Variants in DPP10 observed in about 807,000 individuals in gnomAD.
DPP10 encodes the protein inactive dipeptidyl peptidase 10.
A neutral mutation model predicts 120.9 loss-of-function variants in DPP10; 33 were observed. The observed-to-expected ratio is 0.27, with a 90% CI of 0.21 to 0.37. The LOEUF is 0.37. DPP10 is among the 10% of genes least tolerant of loss of function. The pLI is 1.00. For synonymous variants in DPP10, 337 were observed against 326.1 expected (o/e 1.03, Z -0.36); for missense variants, 816 against 942.8 (o/e 0.87, Z 1.76).
intron 1 of DPP10, among the ~76,000 whole-genome samples, chr2:114,756,320 C>T (rs1679743162): frequency 6.6e-6 from 1 of 152,152 alleles, no homozygotes; most frequent in African/African-American, 2.4e-5. Flanking sequence ...CCTGGGGGAT[C>T]TGCAACATCA....
At chr2:114,961,053 T>C (rs1040059457) in intron 1 of DPP10, among the ~76,000 whole-genome samples, 3 of 122,774 alleles carry the variant, frequency 2.4e-5, no homozygotes, top group Non-Finnish European at 4.9e-5. Context: ...TTTTTTTTTT[T>C]TTTTTTTTTT....
chr2:115,178,710 A>C (rs1243976134), intron 1 of DPP10, among the ~76,000 whole-genome samples: 1 of 152,158 alleles, frequency 6.6e-6, no homozygotes, highest in Admixed American at 6.5e-5. Context: ...AAAGTATTTG[A>C]TATGTTGGCA....
intron 3 of DPP10, among the ~76,000 whole-genome samples, chr2:115,353,154 C>T (rs1265533244): frequency 6.6e-6 from 1 of 151,966 alleles, no homozygotes; most frequent in Non-Finnish European, 1.5e-5. Flanking sequence ...TAGGAGAAAT[C>T]GGTTTGAGTT....
At chr2:115,806,248 T>C (rs1685954109) in intron 19 of DPP10, among the ~76,000 whole-genome samples, 2 of 152,214 alleles carry the variant, frequency 1.3e-5, no homozygotes, top group Non-Finnish European at 2.9e-5. Flanking sequence ...ATGCCAAAGG[T>C]ATAAGTGAAT....
intron 1 of DPP10, among the ~76,000 whole-genome samples, chr2:115,063,581 G>A (rs1443355948): frequency 1.3e-5 from 2 of 152,258 alleles, no homozygotes; most frequent in East Asian, 3.9e-4. Flanking sequence ...ACAGACCAAT[G>A]AAACAGAATA....
At chr2:115,759,738 C>T (rs10174163) in intron 11 of DPP10, among the ~76,000 whole-genome samples, 11,824 of 152,110 alleles carry the variant, frequency 0.078, 534 homozygotes, top group South Asian at 0.13. Flanking sequence ...AGGCTGGGCA[C>T]GGTGGCTCAT....
chr2:114,619,425 A>G (rs1444274465), intron 1 of DPP10, among the ~76,000 whole-genome samples: 2 of 150,604 alleles, frequency 1.3e-5, no homozygotes, highest in Admixed American at 1.3e-4. Flanking sequence ...ACACACATAT[A>G]GTGAGAGAGC....
At chr2:114,744,848 A>G (rs1019676289) in intron 1 of DPP10, among the ~76,000 whole-genome samples, 11 of 152,112 alleles carry the variant, frequency 7.2e-5, no homozygotes, top group Non-Finnish European at 1.3e-4. Flanking sequence ...TGCAACCTCC[A>G]CATCCCAGGT....
Position 115,824,791 on chromosome 2 carries a change from T to G in DPP10, c.1950+9062T>G, listed in dbSNP as rs558754676. Among the ~76,000 whole-genome samples the G allele has an allele frequency of 2.8e-4, 43 of 152,300 alleles. No homozygotes were observed. The East Asian group carries it at 7.3e-3, about 26-fold the overall frequency. ...ATCAGTGTTCTTTAACTATGTAAAG[T>G]GATTAAGGAATAGAATGATGGTATT... On this transcript the variant is annotated intron_variant, in intron 21 of 25. Coordinates refer to ENST00000410059, the MANE Select transcript of DPP10 (RefSeq NM_020868.6).
intron 3 of DPP10, among the ~76,000 whole-genome samples, chr2:115,412,728 G>A (rs1021313876): frequency 6.6e-6 from 1 of 152,060 alleles, no homozygotes; most frequent in Non-Finnish European, 1.5e-5. Flanking sequence ...TACTTAATGT[G>A]GTTTTCTTCA....
At chr2:114,771,530 A>C (rs1169044777) in intron 1 of DPP10, among the ~76,000 whole-genome samples, 1 of 152,250 alleles carries the variant, frequency 6.6e-6, no homozygotes, top group African/African-American at 2.4e-5. Context: ...GCGTCTTCAA[A>C]GAGCACAAAC....
chr2:115,299,437 G>A (rs540781572), intron 1 of DPP10, among the ~76,000 whole-genome samples: 17 of 152,114 alleles, frequency 1.1e-4, no homozygotes, highest in African/African-American at 3.9e-4. Flanking sequence ...ATGCTGATAA[G>A]AAATACTGTA....
intron 1 of DPP10, among the ~76,000 whole-genome samples, chr2:114,560,753 G>T (rs147126187): frequency 1.1e-3 from 160 of 152,332 alleles, no homozygotes; most frequent in African/African-American, 3.7e-3. Flanking sequence ...TGGAAGAAAA[G>T]AATATGTGCC....
intron 1 of DPP10, among the ~76,000 whole-genome samples, chr2:114,617,029 C>A (rs529367137): frequency 6.6e-6 from 1 of 152,118 alleles, no homozygotes; most frequent in African/African-American, 2.4e-5. Flanking sequence ...AAATTAAATA[C>A]CACCAGTTAA....
In DPP10 at chr2:115,227,720, G is replaced by T. The variant is rs375600139; in HGVS notation, c.61-81519G>T. Among the ~76,000 whole-genome samples the T allele has an allele frequency of 2.6e-5, 4 of 152,024 alleles. No homozygotes were observed. The East Asian group carries it at 7.7e-4, about 29-fold the overall frequency. On this transcript the variant is annotated intron_variant, in intron 1 of 25. Transcript: ENST00000410059. ...AGTTCATCTAATGCATTTGAGATTC[G>T]TGCATGCTGTGGTGTGTGTATCAGT...
intron 3 of DPP10, among the ~76,000 whole-genome samples, chr2:115,415,187 A>G (rs2069280955): frequency 6.6e-6 from 1 of 152,040 alleles, no homozygotes; most frequent in Admixed American, 6.6e-5. Context: ...ACTGGTCTCA[A>G]TCTTTCTTTC....
Position 115,550,668 on chromosome 2 carries a change from C to T in DPP10, c.441+24696C>T, listed in dbSNP as rs116817872. 9.1e-3 allele frequency among the ~76,000 whole-genome samples: 1,388 copies of T among 152,210 alleles called. 14 individuals carry two copies. The highest frequency in any genetic ancestry group is 0.03 in the African/African-American group (1,256 of 41,538). On this transcript the variant is annotated intron_variant, in intron 5 of 25. Coordinates refer to ENST00000410059, the MANE Select transcript of DPP10 (RefSeq NM_020868.6). ...TTCTGTTAAAGAGAATCAACTATAA[C>T]GCTTATTTAAAGGAATGTGAATAAG... is the stretch of plus-strand genomic sequence containing the variant.
chr2:115,080,622 A>G (rs1708196550), intron 1 of DPP10, among the ~76,000 whole-genome samples: 1 of 152,222 alleles, frequency 6.6e-6, no homozygotes, highest in African/African-American at 2.4e-5. Flanking sequence ...TAAGGCATGC[A>G]AAGAAGAAAA....
At chr2:114,892,345 A>G (rs1692610001) in intron 1 of DPP10, among the ~76,000 whole-genome samples, 1 of 152,154 alleles carries the variant, frequency 6.6e-6, no homozygotes, top group African/African-American at 2.4e-5. Context: ...CACTCTGTGT[A>G]CCCAGTTAGA....
Sources: gnomAD v4.1 joint callset for allele counts (sites outside exome capture counted in the v4.1 genomes callset) on GRCh38, gnomAD v4.1.1 for gene constraint, MANE v1.5 for transcripts, NCBI Gene and HGNC (gene_info 2026-07-23, HGNC 2026-07-21) for gene names.